Variants in EPC1 observed in about 807,000 individuals in gnomAD.
The protein encoded by EPC1 is enhancer of polycomb homolog 1.
EPC1 carries 12 observed loss-of-function variants against 98.4 expected under a neutral mutation model. The observed-to-expected ratio is 0.12, with a 90% CI of 0.08 to 0.20. The LOEUF (loss-of-function observed/expected upper bound fraction) is 0.20. EPC1 is among the 10% of genes least tolerant of loss of function. The pLI, the probability that EPC1 is intolerant of heterozygous loss-of-function variation, is 1.00. For synonymous variants in EPC1, 357 were observed against 363.9 expected, an observed-to-expected ratio of 0.98 and a Z score of 0.21; for missense variants, 729 against 990.5, an observed-to-expected ratio of 0.74 and a Z score of 3.54.
upstream of EPC1, chr10:32,347,295 GGCCTCGCTTCCCGC>G (rs1363455806): frequency 5.1e-4 from 409 of 801,044 alleles, 3 homozygotes; most frequent in African/African-American, 7.1e-3. Context: ...GGCACCCGCC[GGCCTCGCTTCCCGC>G]GCCTCGCTGC....
chr10:32,318,046 G>A lies in EPC1; in HGVS notation c.154-12115C>T, dbSNP rs76656684. Among the ~76,000 whole-genome samples the A allele has an allele frequency of 4.7e-3, 711 of 152,196 alleles. 7 individuals carry two copies. Among genetic ancestry groups the A allele is most frequent in the Middle Eastern group, 0.017 (5 of 294 alleles). ...GTCCTTATTTGTACCCCTAGCATCCGTTTAGGCTTAGGTCGTTTATGCTGT... is the reference window on the plus strand; with the variant it reads ...GTCCTTATTTGTACCCCTAGCATCCATTTAGGCTTAGGTCGTTTATGCTGT... On this transcript the variant is annotated intron_variant, in intron 1 of 13. Transcript: ENST00000319778.
chr10:32,294,347 C>A (rs1398455714), intron 2 of EPC1, among the ~76,000 whole-genome samples: 1 of 152,072 alleles, frequency 6.6e-6, no homozygotes, highest in South Asian at 2.1e-4. Flanking sequence ...AGGGTGGGAC[C>A]CAAGTCTAAA....
intron 2 of EPC1, among the ~76,000 whole-genome samples, chr10:32,300,957 G>A (rs1835489086): frequency 6.6e-6 from 1 of 151,986 alleles, no homozygotes; most frequent in Admixed American, 6.6e-5. Flanking sequence ...CCGTTTAGTG[G>A]GGAATAAATT....
intron 6 of EPC1, among the ~76,000 whole-genome samples, chr10:32,288,303 T>C (rs1836798931): frequency 6.8e-6 from 1 of 147,708 alleles, no homozygotes; most frequent in Non-Finnish European, 1.5e-5. Flanking sequence ...TATTATCTAT[T>C]ACTTTTTTCT....
At chr10:32,326,801 C>T (rs1181595451) in intron 1 of EPC1, among the ~76,000 whole-genome samples, 3 of 152,002 alleles carry the variant, frequency 2.0e-5, no homozygotes, top group Non-Finnish European at 4.4e-5. Flanking sequence ...AAAAAATGCT[C>T]ATCATGACTA....
intron 11 of EPC1, among the ~76,000 whole-genome samples, chr10:32,272,616 A>C (rs1488033949): frequency 6.6e-6 from 1 of 152,232 alleles, no homozygotes; most frequent in Non-Finnish European, 1.5e-5. Context: ...GGGATAAGAT[A>C]ACTATCCCTT....
At position 32,338,120 on chromosome 10, in the gene EPC1, C is replaced by T. The variant is rs141966002; in HGVS notation, c.153+8643G>A. ...CATATTCTCACATATCCAATCAGGA[C>T]GAAAGAGGCACATTTCAAACTGAAC... On this transcript the variant is annotated intron_variant, in intron 1 of 13. Coordinates refer to ENST00000319778, the MANE Select transcript of EPC1 (RefSeq NM_001272004.3). 1.3e-3 allele frequency among the ~76,000 whole-genome samples: 200 copies of T among 152,216 alleles called. 2 individuals carry two copies. The East Asian group carries it at 0.024, about 19-fold the overall frequency.
At chr10:32,317,895 C>G (rs936409851) in intron 1 of EPC1, among the ~76,000 whole-genome samples, 1 of 152,166 alleles carries the variant, frequency 6.6e-6, no homozygotes, top group African/African-American at 2.4e-5. Flanking sequence ...TATTTCTCTT[C>G]AGTGTGAAAC....
intron 6 of EPC1, 89 bp from the exon 7 acceptor site, chr10:32,287,363 G>T: frequency 7.7e-7 from 1 of 1,291,812 alleles, no homozygotes; most frequent in Non-Finnish European, 1.1e-6. Context: ...GAAGTTTATT[G>T]CTATAATGAG....
intron 1 of EPC1, among the ~76,000 whole-genome samples, chr10:32,344,377 T>C (rs1369246310): frequency 1.3e-5 from 2 of 151,824 alleles, no homozygotes; most frequent in African/African-American, 2.4e-5. Context: ...GGATGTGAAG[T>C]GAAAAATTCT....
upstream of EPC1, among the ~76,000 whole-genome samples, chr10:32,349,374 A>G (rs1177531804): frequency 6.6e-6 from 1 of 152,174 alleles, no homozygotes; most frequent in African/African-American, 2.4e-5. Flanking sequence ...AGAGTCTAAA[A>G]TCACCCTCCG....
chr10:32,270,156 CTTATT>C (rs1835769867), intron 13 of EPC1, among the ~76,000 whole-genome samples: 1 of 152,182 alleles, frequency 6.6e-6, no homozygotes. Flanking sequence ...TGGATCTGAT[CTTATT>C]TTGTTAGAAG....
chr10:32,313,713 C>T (rs547111752), intron 1 of EPC1, among the ~76,000 whole-genome samples: 8 of 152,074 alleles, frequency 5.3e-5, no homozygotes, highest in African/African-American at 1.9e-4. Context: ...TGGTGAAACA[C>T]CGCCTCTACT....
chr10:32,269,470 G>A, intron 13 of EPC1: 1 of 236,356 alleles, frequency 4.2e-6, no homozygotes, highest in Non-Finnish European at 8.4e-6. Flanking sequence ...TTTTTAAAAA[G>A]GAAACAAACA....
intron 1 of EPC1, among the ~76,000 whole-genome samples, chr10:32,318,902 T>C (rs1468839502): frequency 2.6e-5 from 4 of 151,894 alleles, no homozygotes; most frequent in African/African-American, 9.7e-5. Flanking sequence ...GGGTCTTTAT[T>C]TGCCTCCCTG....
At chr10:32,326,997 CAAAA>C (rs139000044) in intron 1 of EPC1, among the ~76,000 whole-genome samples, 19,489 of 75,072 alleles carry the variant, frequency 0.26, 1,681 homozygotes, top group South Asian at 0.47. Flanking sequence ...AGAGGGTCCT[CAAAA>C]AAAAAAAAAA....
At chr10:32,286,632 G>T in intron 9 of EPC1, 62 bp downstream of exon 9, 1 of 1,576,918 alleles carries the variant, frequency 6.3e-7, no homozygotes, top group Non-Finnish European at 8.6e-7. Flanking sequence ...GACTTTAAAA[G>T]TTAGATTCAA....
Position 32,346,868 on chromosome 10 carries a change from C to T in EPC1, c.48G>A (p.Pro16=). ...FRARALDASK[P]LPVFRCEDLP... is the part of the protein sequence containing the mutation. ...GATCCTCACAGCGGAAAACCGGCAG[C>T]GGCTTCGAGGCGTCTAGCGCCCGCG... is the stretch of plus-strand genomic sequence containing the variant. Residue 16 remains proline, a synonymous_variant, in exon 1 of 14, where the codon CCG becomes CCA. Coordinates refer to ENST00000319778, the MANE Select transcript of EPC1 (RefSeq NM_001272004.3). The T allele has an allele frequency of 1.2e-6, 2 of 1,614,152 alleles. No individual in the cohort carries two copies. The highest frequency in any genetic ancestry group is 1.7e-6 in the Non-Finnish European group (2 of 1,180,014).
chr10:32,328,623 G>C (rs1390880553), intron 1 of EPC1, among the ~76,000 whole-genome samples: 1 of 152,182 alleles, frequency 6.6e-6, no homozygotes, highest in Non-Finnish European at 1.5e-5. Context: ...AGTGCCAACA[G>C]CCACAAAAAA....
Sources: allele counts gnomAD v4.1 joint callset (sites outside exome capture counted in the v4.1 genomes callset), GRCh38; gene constraint gnomAD v4.1.1; transcripts MANE v1.5; gene names NCBI Gene and HGNC (gene_info 2026-07-23, HGNC 2026-07-21).